THUMPD2: variants seen among roughly 807,000 people sequenced by gnomAD.
THUMPD2 encodes the protein THUMP domain 2 tRNA and snRNA guanosine methyltransferase, also known as U6 snRNA (guanine-N(2))-methyltransferase THUMPD2.
A neutral mutation model predicts 49.4 loss-of-function variants in THUMPD2; 56 were observed. The ratio of observed to expected loss-of-function variants is 1.13; its 90% confidence interval spans 0.91 to 1.41. The LOEUF is 1.41. Among genes scored for constraint, THUMPD2 ranks in the 40% most tolerant of loss-of-function variants. THUMPD2 has a pLI of 0.00. For missense variants in THUMPD2, 709 were observed against 594.5 expected (o/e 1.19, Z -2.00); for synonymous variants, 237 against 205.2 (o/e 1.15, Z -1.32).
Position 39,763,803 on chromosome 2 carries a change from C to T in THUMPD2, c.803+2254G>A, listed in dbSNP as rs138068104. On this transcript the variant is annotated intron_variant, in intron 5 of 9. Coordinates refer to ENST00000505747, the MANE Select transcript of THUMPD2 (RefSeq NM_025264.5). ...AACATATTTACAAGGCACTTCATGG[C>T]TTGTTTCTAATTTTCTACCACTTTC... Among the ~76,000 whole-genome samples, 582 of 152,252 alleles carry T rather than the reference C, an allele frequency of 3.8e-3. 4 individuals carry two copies. The highest frequency in any genetic ancestry group is 5.8e-3 in the Non-Finnish European group (393 of 68,002).
intron 1 of THUMPD2, among the ~76,000 whole-genome samples, chr2:39,773,935 T>C (rs1678723386): frequency 6.6e-6 from 1 of 152,216 alleles, no homozygotes; most frequent in South Asian, 2.1e-4. Flanking sequence ...TCGTTCAACA[T>C]GGTTTCATTA....
At chr2:39,747,986 G>A (rs1179672557) in intron 8 of THUMPD2, among the ~76,000 whole-genome samples, 1 of 152,020 alleles carries the variant, frequency 6.6e-6, no homozygotes, top group East Asian at 1.9e-4. Flanking sequence ...CATATCCAAA[G>A]AATATTTATA....
At chr2:39,769,222 A>C (rs575446529) in intron 3 of THUMPD2, 1 of 481,246 alleles carries the variant, frequency 2.1e-6, no homozygotes, top group Non-Finnish European at 3.4e-6. Flanking sequence ...TTAGGCAGAA[A>C]GTATAAGAAA....
At chr2:39,779,259 C>T (rs1360677780), upstream of THUMPD2, 17 of 1,474,586 alleles carry the variant, frequency 1.2e-5, no homozygotes, top group Non-Finnish European at 1.5e-5. Flanking sequence ...GGCGCGCCCT[C>T]GCGCCTTCGG....
At chr2:39,751,904 C>A (rs1323581983) in intron 8 of THUMPD2, among the ~76,000 whole-genome samples, 2 of 151,990 alleles carry the variant, frequency 1.3e-5, no homozygotes, top group Non-Finnish European at 2.9e-5. Context: ...CCAGGCTGGT[C>A]TCGAATTCTT....
At chr2:39,741,184 A>C (rs557105448) in intron 9 of THUMPD2, among the ~76,000 whole-genome samples, 1 of 152,344 alleles carries the variant, frequency 6.6e-6, no homozygotes, top group African/African-American at 2.4e-5. Context: ...ATCAAACAGC[A>C]TAAGAGATTT....
At chr2:39,778,222 A>G (rs899170098) in intron 1 of THUMPD2, among the ~76,000 whole-genome samples, 1 of 152,262 alleles carries the variant, frequency 6.6e-6, no homozygotes, top group Non-Finnish European at 1.5e-5. Context: ...AATGTTCAAT[A>G]AATGTCAGTA....
intron 6 of THUMPD2, among the ~76,000 whole-genome samples, chr2:39,760,050 G>C (rs1490698840): frequency 2.6e-5 from 4 of 152,178 alleles, no homozygotes; most frequent in Non-Finnish European, 4.4e-5. Context: ...GTATTACGTG[G>C]AATTCTATCT....
intron 6 of THUMPD2, among the ~76,000 whole-genome samples, chr2:39,758,495 T>G (rs1375390474): frequency 6.6e-6 from 1 of 152,012 alleles, no homozygotes; most frequent in African/African-American, 2.4e-5. Flanking sequence ...GGTTGGGTAG[T>G]GATTAGAGAA....
intron 8 of THUMPD2, among the ~76,000 whole-genome samples, chr2:39,752,598 T>C (rs1487046930): frequency 2.0e-5 from 3 of 152,194 alleles, no homozygotes; most frequent in African/African-American, 7.2e-5. Context: ...TAGCAAGACA[T>C]ATAGTTCCTC....
chr2:39,766,501 A>G (rs568226534), intron 4 of THUMPD2, among the ~76,000 whole-genome samples: 33 of 152,350 alleles, frequency 2.2e-4, no homozygotes, highest in African/African-American at 7.7e-4. Context: ...CAGGACTATC[A>G]GAGGCTGCAA....
At chr2:39,775,444 G>A (rs967747284) in intron 1 of THUMPD2, among the ~76,000 whole-genome samples, 3 of 152,052 alleles carry the variant, frequency 2.0e-5, no homozygotes, top group Non-Finnish European at 4.4e-5. Context: ...TTTAGAAGAA[G>A]GAATTCAAAA....
intron 1 of THUMPD2, among the ~76,000 whole-genome samples, chr2:39,776,646 C>A (rs1417681687): frequency 2.6e-5 from 4 of 152,162 alleles, no homozygotes; most frequent in African/African-American, 4.8e-5. Flanking sequence ...CCGGCTTGGC[C>A]TCCCAAAGTG....
chr2:39,747,125 T>G (rs941037344), intron 8 of THUMPD2, among the ~76,000 whole-genome samples: 1 of 152,206 alleles, frequency 6.6e-6, no homozygotes, highest in African/African-American at 2.4e-5. Context: ...TGTTTGTCCT[T>G]AAGATGATGT....
intron 9 of THUMPD2, among the ~76,000 whole-genome samples, chr2:39,742,850 T>A (rs1674087605): frequency 2.0e-5 from 3 of 152,184 alleles, no homozygotes; most frequent in Non-Finnish European, 2.9e-5. Context: ...ATGATTTTTA[T>A]ATGAAGTCAG....
intron 5 of THUMPD2, 145 bp from the exon 6 acceptor site, chr2:39,761,563 T>A (rs3732122): frequency 1.4e-6 from 1 of 714,700 alleles, no homozygotes; most frequent in Non-Finnish European, 2.2e-6. Flanking sequence ...AATGTTTCAG[T>A]CTTATTACAA....
Position 39,771,554 on chromosome 2 carries a change from A to C in THUMPD2, c.213T>G (p.Phe71Leu). The stretch of plus-strand genomic sequence containing the variant: ...GTGGAAACTGCTTTTTAATCAGCAA[A>C]AATAATCTTTCTGCAGATTTTAATT... ...LKKLKSAERL[F>L]LLIKKQFPLI... Residue 71 changes from phenylalanine (F) to leucine (L), a missense_variant, in exon 2 of 10, where the codon TTT becomes TTG. By Grantham distance (22) the Phe-to-Leu change is conservative (BLOSUM62 0). Coordinates refer to ENST00000505747, the MANE Select transcript of THUMPD2 (RefSeq NM_025264.5). 6.8e-6 allele frequency: 11 copies of C among 1,608,028 alleles called. No individual in the cohort carries two copies. The highest frequency in any genetic ancestry group is 9.3e-6 in the Non-Finnish European group (11 of 1,178,314).
At chr2:39,774,222 C>G (rs1037330180) in intron 1 of THUMPD2, among the ~76,000 whole-genome samples, 1 of 152,250 alleles carries the variant, frequency 6.6e-6, no homozygotes, top group African/African-American at 2.4e-5. Flanking sequence ...AATAACTTAA[C>G]TGGAACAGTT....
intron 1 of THUMPD2, among the ~76,000 whole-genome samples, chr2:39,773,233 A>AT (rs1217880738): frequency 1.3e-5 from 2 of 152,172 alleles, no homozygotes; most frequent in Non-Finnish European, 2.9e-5. Flanking sequence ...AAAAATTCAG[A>AT]TTTTGTTACC....
Sources: gnomAD v4.1 joint callset for allele counts (sites outside exome capture counted in the v4.1 genomes callset) on GRCh38, gnomAD v4.1.1 for gene constraint, MANE v1.5 for transcripts, NCBI Gene and HGNC (gene_info 2026-07-23, HGNC 2026-07-21) for gene names.